NEB: variants seen among roughly 807,000 people sequenced by gnomAD.
NEB encodes the protein nebulin.
A neutral mutation model predicts 952.2 loss-of-function variants in NEB; 512 were observed. The observed-to-expected ratio is 0.54, with a 90% confidence interval of 0.50 to 0.58. The LOEUF is 0.58. NEB is among the 20% of genes least tolerant of loss of function. The probability of loss-of-function intolerance (pLI) is 0.00; values close to 1 mark genes in which losing one functional copy is unlikely to be tolerated. For synonymous variants in NEB, 2,900 were observed against 3,149.8 expected (o/e 0.92, Z 2.66); for missense variants, 8,428 against 9,231.1 (o/e 0.91, Z 3.56).
intron 74 of NEB, 124 bp downstream of exon 74, chr2:151,618,151 G>T: frequency 1.2e-6 from 1 of 862,554 alleles, no homozygotes; most frequent in Non-Finnish European, 1.9e-6. Context: ...GTATTATAGT[G>T]GAAAAATCAT....
At chr2:151,674,716 C>A in intron 35 of NEB, 132 bp from the exon 36 acceptor site, 1 of 660,848 alleles carries the variant, frequency 1.5e-6, no homozygotes, top group Non-Finnish European at 2.7e-6. Flanking sequence ...ATCACATTGG[C>A]AAAGTGTCAC....
intron 3 of NEB, among the ~76,000 whole-genome samples, chr2:151,732,088 C>A (rs2099810557): frequency 6.6e-6 from 1 of 152,080 alleles, no homozygotes; most frequent in Non-Finnish European, 1.5e-5. Flanking sequence ...TTGGCACTGC[C>A]ACCTAAAATT....
chr2:151,715,782 T>G (rs896429590), intron 10 of NEB, among the ~76,000 whole-genome samples: 6 of 152,218 alleles, frequency 3.9e-5, no homozygotes, highest in African/African-American at 1.4e-4. Flanking sequence ...TATACTCAGT[T>G]TATACTGATC....
chr2:151,561,293 C>T lies in NEB; in HGVS notation c.19016G>A (p.Gly6339Asp). 1 of 1,598,390 alleles carries T rather than the reference C, an allele frequency of 6.3e-7. No homozygotes were observed. Among genetic ancestry groups the T allele is most frequent in the Admixed American group, 1.7e-5 (1 of 57,876 alleles). ...LQSQLQYTAA[G>D]KENLQNYNLV... is the part of the protein sequence containing the mutation. ...ATTATAGTTTTGTAGATTTTCTTTACCTGCTGCTGTATATTGTAGCTGTGA... is the reference window on the plus strand; with the variant it reads ...ATTATAGTTTTGTAGATTTTCTTTATCTGCTGCTGTATATTGTAGCTGTGA... The change falls in exon 122 of 182, where the codon GGT becomes GAT. Residue 6339 changes from glycine to aspartate, a missense_variant. Gly to Asp is a moderately conservative substitution (Grantham distance 94, BLOSUM62 -1). Around this residue, in one of 11 missense-constraint regions of NEB, gnomAD observed 3,374 missense variants for 3,651.5 expected, o/e 0.92. Transcript: ENST00000397345.
chr2:151,639,251 T>C, intron 63 of NEB, 29 bp downstream of exon 63: 1 of 1,457,408 alleles, frequency 6.9e-7, no homozygotes, highest in Non-Finnish European at 9.3e-7. Flanking sequence ...TAAGCAGCAG[T>C]GTGCAAATGT....
chr2:151,687,304 G>T, intron 27 of NEB, 115 bp downstream of exon 27: 1 of 863,146 alleles, frequency 1.2e-6, no homozygotes, highest in Non-Finnish European at 1.9e-6. Context: ...CAGTACTTTT[G>T]TGAATGTGAT....
chr2:151,560,882 A>G, intron 123 of NEB, 122 bp downstream of exon 123: 1 of 766,028 alleles, frequency 1.3e-6, no homozygotes, highest in Non-Finnish European at 2.1e-6. Flanking sequence ...GTAAGATTGA[A>G]GGTCCAGGAA....
intron 153 of NEB, 143 bp downstream of exon 153, chr2:151,524,168 C>T (rs1296325931): frequency 8.8e-6 from 6 of 679,502 alleles, no homozygotes; most frequent in Admixed American, 2.7e-5. Flanking sequence ...GCCCTCAGTG[C>T]ACTTTTTATA....
intron 161 of NEB, 149 bp downstream of exon 161, chr2:151,512,584 G>A (rs775285591): frequency 2.9e-6 from 2 of 681,448 alleles, no homozygotes; most frequent in Non-Finnish European, 5.2e-6. Flanking sequence ...AAAGTGCTGG[G>A]AATACAGACG....
At chr2:151,644,685 C>A in intron 55 of NEB, 110 bp from the exon 56 acceptor site, 1 of 849,264 alleles carries the variant, frequency 1.2e-6, no homozygotes, top group Non-Finnish European at 1.9e-6. Context: ...CATCTGTGCC[C>A]TAAAATACTC....
chr2:151,625,095 C>A (rs2098494083), intron 71 of NEB, among the ~76,000 whole-genome samples: 1 of 152,114 alleles, frequency 6.6e-6, no homozygotes, highest in Non-Finnish European at 1.5e-5. Context: ...TCACACTGGG[C>A]ATGTTAAATA....
chr2:151,657,122 C>G (rs555573858), intron 48 of NEB, among the ~76,000 whole-genome samples: 2 of 151,970 alleles, frequency 1.3e-5, no homozygotes, highest in South Asian at 4.2e-4. Flanking sequence ...TTTGGGGTTG[C>G]GTGTGCAAGT....
At chr2:151,678,538 A>G (rs1455483881) in intron 32 of NEB, among the ~76,000 whole-genome samples, 1 of 152,238 alleles carries the variant, frequency 6.6e-6, no homozygotes, top group Admixed American at 6.5e-5. Context: ...ATCTCTACCA[A>G]TTACATTGTG....
rs763772667 is a variant in NEB at position 151,694,198 on chromosome 2, C to G, written c.1896+125G>C. The G allele has an allele frequency of 2.1e-5, 18 of 844,040 alleles. No homozygotes were observed. In the Admixed American group the frequency reaches 3.9e-4, roughly 18 times the overall value. 52.3% of individuals were successfully genotyped at this position (844,040 alleles called of 1,614,324 possible). A position where few individuals can be genotyped will look rare whatever the true frequency, so the allele number is the denominator to read the frequency against. ...ATCTTCCTTTAGCACCTGGGTGAAG[C>G]TTTCATGTGTGATTTGTCATCTTGA... is the stretch of plus-strand genomic sequence containing the variant. On this transcript the variant is annotated intron_variant, in intron 20 of 181. Coordinates refer to ENST00000397345, the MANE Select transcript of NEB (RefSeq NM_001164508.2).
At chr2:151,527,334 A>G (rs569340100) in intron 147 of NEB, 147 bp downstream of exon 147, 18 of 722,498 alleles carry the variant, frequency 2.5e-5, no homozygotes, top group African/African-American at 2.3e-4. Context: ...GAGCTCGCCT[A>G]TCGCTCCCCC....
intron 45 of NEB, among the ~76,000 whole-genome samples, 166 bp downstream of exon 45, chr2:151,663,382 T>C (rs1052377884): frequency 2.6e-5 from 4 of 152,206 alleles, no homozygotes; most frequent in Non-Finnish European, 5.9e-5. Context: ...AGAATTGATC[T>C]CCTTTTGTTA....
At chr2:151,634,040 C>T in intron 64 of NEB, 75 bp from the exon 65 acceptor site, 1 of 1,477,436 alleles carries the variant, frequency 6.8e-7, no homozygotes, top group Admixed American at 2.0e-5. Flanking sequence ...AATCAACTTG[C>T]TTACATCATA....
At position 151,677,733 on chromosome 2, in the gene NEB, G is replaced by A. The variant is rs2099382083; in HGVS notation, c.3606C>T (p.Gly1202=). The A allele has an allele frequency of 6.2e-7, 1 of 1,613,980 alleles. No homozygotes were observed. The highest frequency in any genetic ancestry group is 8.5e-7 in the Non-Finnish European group (1 of 1,179,872). Residue 1202 remains glycine, a synonymous_variant, in exon 34 of 182, where the codon GGC becomes GGT. Coordinates refer to ENST00000397345, the MANE Select transcript of NEB (RefSeq NM_001164508.2). The part of the protein sequence containing the change: ...YKEDYNNWMK[G]IGWIPIGSLD... ...GACTGCCAATAGGAATCCAGCCAAT[G>A]CCTTTCATCCAGTTGTTGTAGTCTT...
chr2:151,706,147 C>T (rs772799428), intron 13 of NEB, among the ~76,000 whole-genome samples: 6 of 152,190 alleles, frequency 3.9e-5, no homozygotes, highest in South Asian at 2.1e-4. Flanking sequence ...TCCATTTATA[C>T]CCTCTCACTT....
Sources: allele counts gnomAD v4.1 joint callset (sites outside exome capture counted in the v4.1 genomes callset), GRCh38; gene constraint gnomAD v4.1.1; regional missense constraint gnomAD v4.1.1; transcripts MANE v1.5; gene names NCBI Gene and HGNC (gene_info 2026-07-23, HGNC 2026-07-21).